GALNT13: variants seen among roughly 807,000 people sequenced by gnomAD.
GALNT13 encodes the protein UDP-GalNAc:polypeptide N-acetylgalactosaminyltransferase 13.
Under a neutral mutation model 64.2 loss-of-function variants are expected in GALNT13, and 28 were observed. That is an observed-to-expected ratio of 0.44 (90% CI 0.32 to 0.60). GALNT13 has a LOEUF of 0.60. GALNT13 is among the 20% of genes least tolerant of loss of function. The pLI is 0.05. For missense variants in GALNT13, 577 were observed against 669.8 expected, an observed-to-expected ratio of 0.86 and a Z score of 1.53; for synonymous variants, 214 against 224.6, an observed-to-expected ratio of 0.95 and a Z score of 0.42.
chr2:153,198,393 T>G, the GALNT13 span, among the ~76,000 whole-genome samples: 611 of 152,328 alleles, frequency 4.0e-3, 14 homozygotes, highest in East Asian at 0.06. Flanking sequence ...ACCTTTTCCC[T>G]GCACCGAGGA....
intron 3 of GALNT13, among the ~76,000 whole-genome samples, chr2:154,136,554 TA>T (rs1247407184): frequency 5.3e-5 from 8 of 152,152 alleles, no homozygotes; most frequent in Non-Finnish European, 1.2e-4. Flanking sequence ...TTCTTTTTGG[TA>T]GATTTATCAG....
At chr2:153,239,525 T>G in the GALNT13 span, among the ~76,000 whole-genome samples, 2 of 152,114 alleles carry the variant, frequency 1.3e-5, no homozygotes, top group Non-Finnish European at 2.9e-5. Flanking sequence ...GTATTTTGAG[T>G]GTTTTTAACA....
the GALNT13 span, among the ~76,000 whole-genome samples, chr2:153,375,515 T>A: frequency 1.3e-5 from 2 of 152,194 alleles, no homozygotes; most frequent in Non-Finnish European, 2.9e-5. Context: ...GTTGTTATTG[T>A]AAATGTTGTT....
At chr2:154,218,816 T>C (rs549809147) in intron 4 of GALNT13, among the ~76,000 whole-genome samples, 1 of 152,274 alleles carries the variant, frequency 6.6e-6, no homozygotes, top group South Asian at 2.1e-4. Flanking sequence ...CCTAATTTTG[T>C]GAACAATTGT....
intron 2 of GALNT13, among the ~76,000 whole-genome samples, chr2:153,932,626 C>CTTTTTTT (rs34617568): frequency 7.3e-5 from 7 of 95,622 alleles, no homozygotes; most frequent in Non-Finnish European, 9.9e-5. Flanking sequence ...TTCTGTCTTT[C>CTTTTTTT]TTTTTTTTTT....
At chr2:153,336,522 A>G in the GALNT13 span, among the ~76,000 whole-genome samples, 2 of 152,116 alleles carry the variant, frequency 1.3e-5, no homozygotes, top group Non-Finnish European at 2.9e-5. Flanking sequence ...TGGGCCCTGT[A>G]ACCCCTTTGT....
chr2:153,666,668 A>G, the GALNT13 span, among the ~76,000 whole-genome samples: 1 of 152,208 alleles, frequency 6.6e-6, no homozygotes, highest in Non-Finnish European at 1.5e-5. Flanking sequence ...AGCCCTATCC[A>G]AAGGGCAGCA....
chr2:153,181,076 A>G, the GALNT13 span, among the ~76,000 whole-genome samples: 36 of 22,034 alleles, frequency 1.6e-3, no homozygotes, highest in East Asian at 0.047. Flanking sequence ...TCCTTTTTCT[A>G]TTTTCCTGAG....
chr2:153,254,394 T>C, the GALNT13 span, among the ~76,000 whole-genome samples: 4 of 152,244 alleles, frequency 2.6e-5, no homozygotes, highest in Non-Finnish European at 5.9e-5. Flanking sequence ...AGTCTGTCAA[T>C]TTTGTAGATC....
At chr2:153,178,995 G>A in the GALNT13 span, among the ~76,000 whole-genome samples, 1 of 151,574 alleles carries the variant, frequency 6.6e-6, no homozygotes, top group Non-Finnish European at 1.5e-5. Flanking sequence ...CATGCACCTC[G>A]GCCTCCCAAA....
intron 10 of GALNT13, among the ~76,000 whole-genome samples, chr2:154,407,983 T>G (rs946455177): frequency 6.6e-6 from 1 of 152,136 alleles, no homozygotes; most frequent in African/African-American, 2.4e-5. Context: ...TGAGGAAACA[T>G]GTACTCAGAG....
the GALNT13 span, among the ~76,000 whole-genome samples, chr2:153,714,260 G>T: frequency 2.1e-3 from 312 of 152,118 alleles, 1 homozygote; most frequent in African/African-American, 6.5e-3. Flanking sequence ...CTCCTAGGAG[G>T]AGAAATATTT....
chr2:153,971,631 A>G (rs1296289594), intron 3 of GALNT13, among the ~76,000 whole-genome samples: 1 of 152,162 alleles, frequency 6.6e-6, no homozygotes, highest in Non-Finnish European at 1.5e-5. Context: ...TGCAAAATTT[A>G]TAGAGAAAGC....
intron 3 of GALNT13, among the ~76,000 whole-genome samples, chr2:154,000,952 T>G (rs922767094): frequency 6.6e-6 from 1 of 152,012 alleles, no homozygotes; most frequent in East Asian, 1.9e-4. Context: ...GTGTATTTGC[T>G]GTATATATTT....
the GALNT13 span, among the ~76,000 whole-genome samples, chr2:153,391,437 A>G: frequency 6.6e-6 from 1 of 152,094 alleles, no homozygotes; most frequent in Admixed American, 6.6e-5. Context: ...GGGCTTGAGT[A>G]TAGCTGTGAC....
At chr2:153,583,142 T>C in the GALNT13 span, among the ~76,000 whole-genome samples, 6 of 152,104 alleles carry the variant, frequency 3.9e-5, no homozygotes, top group African/African-American at 9.7e-5. Context: ...TCACTTGGCG[T>C]GGAGGTCAAG....
intron 3 of GALNT13, among the ~76,000 whole-genome samples, chr2:154,016,172 A>C (rs1199836553): frequency 1.3e-5 from 2 of 152,228 alleles, no homozygotes. Context: ...AGTCTAACTT[A>C]AATTTAATAC....
At chr2:154,287,574 G>A in intron 8 of GALNT13, 2 of 234,546 alleles carry the variant, frequency 8.5e-6, no homozygotes, top group Non-Finnish European at 1.7e-5. Context: ...TGTTCTACTT[G>A]GCTGTTGAAA....
At chr2:154,101,368 TTATTC>T (rs1702339388) in intron 3 of GALNT13, among the ~76,000 whole-genome samples, 2 of 152,062 alleles carry the variant, frequency 1.3e-5, no homozygotes, top group Non-Finnish European at 2.9e-5. Flanking sequence ...TATTCCTTCT[TTATTC>T]TATCTAGGAA....
Sources: gnomAD v4.1 joint callset for allele counts (sites outside exome capture counted in the v4.1 genomes callset) on GRCh38, gnomAD v4.1.1 for gene constraint, MANE v1.5 for transcripts, NCBI Gene and HGNC (gene_info 2026-07-23, HGNC 2026-07-21) for gene names.